PI16: variants seen among roughly 807,000 people sequenced by gnomAD.
PI16 encodes the protein PSP94-binding protein.
Under a neutral mutation model 38.0 loss-of-function variants are expected in PI16, and 35 were observed. The ratio of observed to expected loss-of-function variants is 0.92; its 90% CI spans 0.70 to 1.22. The LOEUF (loss-of-function observed/expected upper bound fraction) is 1.22, where lower values mean the gene tolerates loss of function less well. Among genes scored for constraint, PI16 ranks in the 50% most tolerant of loss-of-function variants. The pLI is 0.00. For missense variants in PI16, 572 were observed against 593.8 expected, an observed-to-expected ratio of 0.96 and a Z score of 0.38; for synonymous variants, 275 against 252.9, an observed-to-expected ratio of 1.09 and a Z score of -0.83.
At chr6:36,959,547 C>A (rs1037651025) in intron 2 of PI16, among the ~76,000 whole-genome samples, 181 bp downstream of exon 2, 1 of 152,240 alleles carries the variant, frequency 6.6e-6, no homozygotes, top group East Asian at 1.9e-4. Context: ...GCAGCTAATA[C>A]GCTGTCTAAG....
chr6:36,956,131 G>GT (rs1763199281), intron 1 of PI16, among the ~76,000 whole-genome samples: 1 of 152,222 alleles, frequency 6.6e-6, no homozygotes, highest in Non-Finnish European at 1.5e-5. Flanking sequence ...TGGAAACATG[G>GT]GGCTGGCGAT....
chr6:36,963,471 C>T lies in PI16; in HGVS notation c.1129C>T (p.Gln377Ter). Residue 377 changes from glutamine (Q) to a stop codon, truncating the protein, a stop_gained, in exon 5 of 7, where the codon CAG (glutamine) becomes TAG (stop). Transcript: ENST00000373674. LOFTEE classifies it high-confidence loss of function. ...SEVLASVFPA[Q>*]DKPGELQATL... ...GGTCTTGGCCTCAGTTTTTCCAGCC[C>T]AGGACAAGCCAGGTGAGCTGCAGGC... The T allele has an allele frequency of 6.2e-7, 1 of 1,614,176 alleles. No individual in the cohort carries two copies. The highest frequency in any genetic ancestry group is 8.5e-7 in the Non-Finnish European group (1 of 1,180,032).
At chr6:36,954,658 G>C (rs1763155413), upstream of PI16, 11 of 1,491,790 alleles carry the variant, frequency 7.4e-6, no homozygotes, top group Non-Finnish European at 9.8e-6. Flanking sequence ...CCTCAAACAC[G>C]GCCCCCACTG....
At chr6:36,964,099 C>A in intron 6 of PI16, 137 bp downstream of exon 6, 1 of 1,077,428 alleles carries the variant, frequency 9.3e-7, no homozygotes, top group Non-Finnish European at 1.3e-6. Flanking sequence ...GGCCAGATTC[C>A]AGGCCAGCAC....
At chr6:36,954,608 C>T (rs762743076), upstream of PI16, 24 of 1,266,716 alleles carry the variant, frequency 1.9e-5, no homozygotes, top group East Asian at 7.5e-5. Context: ...GGACCCAAAG[C>T]GCCCAGCCCT....
In PI16 at chr6:36,963,614, T is replaced by G; in HGVS notation, c.1270+2T>G. On this transcript the variant is annotated splice_donor_variant, in intron 5 of 6. Transcript: ENST00000373674. LOFTEE classifies it high-confidence loss of function. ...TGGCTCTGCAGTCGTCCTTGCCAGG[T>G]AAGGCCCATAGCATCTGTCCCACTT... 6.2e-7 allele frequency: 1 copy of G among 1,612,812 alleles called. No individual in the cohort carries two copies. The highest frequency in any genetic ancestry group is 2.2e-5 in the East Asian group (1 of 44,882).
chr6:36,956,368 T>C (rs927892817), intron 1 of PI16, among the ~76,000 whole-genome samples: 3 of 152,302 alleles, frequency 2.0e-5, no homozygotes, highest in South Asian at 2.1e-4. Flanking sequence ...CCCTACAGTC[T>C]TGCTGGCTGA....
In PI16 at chr6:36,954,860, C is replaced by T. The variant is rs775334493; in HGVS notation, c.100C>T (p.Arg34Cys). The change falls in exon 1 of 7, where the codon CGT becomes TGT. Residue 34 changes from arginine (R) to cysteine (C), a missense_variant. Transcript: ENST00000373674. ...PVGALTDEEK[R>C]LMVELHNLYR... ...TGGAGCCCTCACAGATGAGGAGAAACGTTTGATGGTGGAGCTGCACAACCT... is the reference window on the plus strand; with the variant it reads ...TGGAGCCCTCACAGATGAGGAGAAATGTTTGATGGTGGAGCTGCACAACCT... 4 of 1,613,966 alleles carry T rather than the reference C, an allele frequency of 2.5e-6. No individual in the cohort carries two copies. Among genetic ancestry groups the T allele is most frequent in the East Asian group, 2.2e-5 (1 of 44,864 alleles).
At position 36,963,389 on chromosome 6, in the gene PI16, C is replaced by G. The variant is rs758298199; in HGVS notation, c.1047C>G (p.Leu349=). 5 of 1,614,192 alleles carry G rather than the reference C, an allele frequency of 3.1e-6. No homozygotes were observed. In the South Asian group the frequency reaches 5.5e-5, roughly 18 times the overall value. ...PKMSLTGARE[L]LPHAQEEAEA... ...TGTCCCTGACAGGGGCAAGGGAACT[C>G]CTACCCCATGCCCAGGAGGAGGCTG... The change falls in exon 5 of 7, where the codon CTC becomes CTG. Residue 349 remains leucine (L), a synonymous_variant. Coordinates refer to ENST00000373674, the MANE Select transcript of PI16 (RefSeq NM_153370.3).
At chr6:36,960,663 C>T (rs1390508239) in intron 2 of PI16, among the ~76,000 whole-genome samples, 2 of 148,498 alleles carry the variant, frequency 1.3e-5, no homozygotes, top group East Asian at 4.0e-4. Context: ...CCCTCTACCC[C>T]CACCCACTTG....
Position 36,963,257 on chromosome 6 carries a change from T to A in PI16, c.915T>A (p.Val305=), listed in dbSNP as rs376561932. Residue 305 remains valine (V), a synonymous_variant, in exon 5 of 7, where the codon GTT becomes GTA. Transcript: ENST00000373674. ...HSLPSLDEEP[V]TFPKSTHVPI... is the part of the protein sequence containing the mutation. ...TGCCCTCCTTGGATGAGGAGCCAGT[T>A]ACCTTCCCCAAATCGACCCATGTTC... The A allele has an allele frequency of 6.4e-5, 104 of 1,614,084 alleles. No individual in the cohort carries two copies. Among genetic ancestry groups the A allele is most frequent in the Non-Finnish European group, 8.5e-5 (100 of 1,180,044 alleles).
upstream of PI16, among the ~76,000 whole-genome samples, chr6:36,950,703 C>T (rs1011076907): frequency 1.3e-5 from 2 of 152,124 alleles, no homozygotes; most frequent in South Asian, 4.1e-4. The surrounding 1 kb of genome is among the most constrained non-coding windows in gnomAD (Gnocchi z 4.2). Flanking sequence ...GCCACCACAC[C>T]CGGCTAATTT....
upstream of PI16, among the ~76,000 whole-genome samples, chr6:36,953,519 A>AGT (rs61386206): frequency 0.037 from 5,629 of 151,012 alleles, 358 homozygotes; most frequent in African/African-American, 0.12. Flanking sequence ...AATTCTAATA[A>AGT]GTGTGTGTGT....
intron 3 of PI16, 22 bp downstream of exon 3, chr6:36,961,582 G>T: frequency 6.2e-7 from 1 of 1,606,748 alleles, no homozygotes; most frequent in Non-Finnish European, 8.5e-7. Flanking sequence ...GGGGAACCCT[G>T]GAGATGGAGA....
rs1561898880 is a variant in PI16, at chr6:36,963,457, C to G, written c.1115C>G (p.Ser372Ter). ...ELPPSSEVLA[S>*]VFPAQDKPGE... ...CCTCCTTCCAGTGAGGTCTTGGCCT[C>G]AGTTTTTCCAGCCCAGGACAAGCCA... Residue 372 changes from serine to a stop codon, truncating the protein, a stop_gained, in exon 5 of 7, where the codon TCA (serine) becomes TGA (stop). Coordinates refer to ENST00000373674, the MANE Select transcript of PI16 (RefSeq NM_153370.3). LOFTEE classifies it high-confidence loss of function. The G allele has an allele frequency of 6.2e-6, 10 of 1,614,184 alleles. No homozygotes were observed. The South Asian group carries it at 1.1e-4, about 18-fold the overall frequency.
chr6:36,959,159 G>A lies in PI16; in HGVS notation c.186G>A (p.Glu62=), dbSNP rs193058438. 2 of 1,609,242 alleles carry A rather than the reference G, an allele frequency of 1.2e-6. No individual in the cohort carries two copies. Among genetic ancestry groups the A allele is most frequent in the Non-Finnish European group, 1.7e-6 (2 of 1,178,578 alleles). The stretch of plus-strand genomic sequence containing the variant: ...CTGCCCTGCAGAGATGGGACGAGGA[G>A]CTGGCCGCCTTCGCCAAGGCCTACG... ...SDMLHMRWDE[E]LAAFAKAYAR... is the part of the protein sequence containing the mutation. Residue 62 remains glutamate, a synonymous_variant, in exon 2 of 7, where the codon GAG becomes GAA. Transcript: ENST00000373674.
chr6:36,949,010 G>A (rs773776059), intron 1 of PI16, among the ~76,000 whole-genome samples: 1 of 151,956 alleles, frequency 6.6e-6, no homozygotes, highest in Non-Finnish European at 1.5e-5. Flanking sequence ...GGTTGGCCAG[G>A]ATGGTCTCAA....
chr6:36,959,016 A>T, intron 1 of PI16, 129 bp from the exon 2 acceptor site: 1 of 793,380 alleles, frequency 1.3e-6, no homozygotes, highest in East Asian at 2.7e-5. Context: ...GACCTGTTCT[A>T]GGCCATGCCC....
chr6:36,951,814 C>T (rs1763104472), upstream of PI16, among the ~76,000 whole-genome samples: 1 of 151,966 alleles, frequency 6.6e-6, no homozygotes, highest in Non-Finnish European at 1.5e-5. Flanking sequence ...GTGGGAGAAC[C>T]ACTTGAACCC....
Sources: gnomAD v4.1 joint callset for allele counts (sites outside exome capture counted in the v4.1 genomes callset) on GRCh38, gnomAD v4.1.1 for gene constraint, Gnocchi (gnomAD v3.1) non-coding constraint, MANE v1.5 for transcripts, NCBI Gene and HGNC (gene_info 2026-07-23, HGNC 2026-07-21) for gene names.